Variants in RCC1L observed in about 807,000 individuals in gnomAD.
The protein encoded by RCC1L is RCC1-like G exchanging factor-like protein.
A neutral mutation model predicts 58.6 loss-of-function variants in RCC1L; 46 were observed. The observed-to-expected ratio is 0.79, with a 90% CI of 0.62 to 1.00. The LOEUF (loss-of-function observed/expected upper bound fraction) is 1.00. Among genes scored for constraint, RCC1L ranks in the 50% least tolerant of loss-of-function variants. RCC1L has a pLI of 0.00. For missense variants in RCC1L, 636 were observed against 623.6 expected (o/e 1.02, Z -0.21); for synonymous variants, 281 against 262.9 (o/e 1.07, Z -0.67).
chr7:75,037,947 A>G (rs1466938631), downstream of RCC1L, among the ~76,000 whole-genome samples: 1 of 152,156 alleles, frequency 6.6e-6, no homozygotes, highest in Non-Finnish European at 1.5e-5. Flanking sequence ...CCCATGTTAA[A>G]TATCGGGGCT....
chr7:75,064,636 C>T lies in RCC1L; in HGVS notation c.596G>A (p.Gly199Glu), dbSNP rs1554444848. The stretch of plus-strand genomic sequence containing the variant: ...TCCACATTGCCCATAAGAATTGTTT[C>T]CCATGCTGAAGACTAAAAATAACAC... ...LTDREGVFSM[G>E]NNSYGQCGRK... The change falls in exon 4 of 11, where the codon GGA becomes GAA. Residue 199 changes from glycine (G) to glutamate (E), a missense_variant. Transcript: ENST00000610322. 1.2e-6 allele frequency: 2 copies of T among 1,613,790 alleles called. No homozygotes were observed. Among genetic ancestry groups the T allele is most frequent in the Non-Finnish European group, 1.7e-6 (2 of 1,179,820 alleles).
intron 5 of RCC1L, 146 bp downstream of exon 5, chr7:75,063,146 G>C (rs1199248430): frequency 1.0e-5 from 9 of 899,330 alleles, no homozygotes; most frequent in Non-Finnish European, 1.6e-5. Context: ...ATAAATCCTG[G>C]CCTATAGTAA....
chr7:75,033,923 G>A (rs924720272), intron 10 of RCC1L, among the ~76,000 whole-genome samples: 3 of 152,106 alleles, frequency 2.0e-5, no homozygotes, highest in South Asian at 2.1e-4. Context: ...AGGAAAGGGC[G>A]TCATCTTTGG....
intron 4 of RCC1L, among the ~76,000 whole-genome samples, chr7:75,063,879 C>T (rs1251785995): frequency 5.9e-5 from 9 of 151,606 alleles, no homozygotes; most frequent in Non-Finnish European, 8.8e-5. Context: ...TAGATCTCAC[C>T]ACTGCACTCC....
intron 8 of RCC1L, 124 bp from the exon 9 acceptor site, chr7:75,056,198 T>C: frequency 8.4e-7 from 1 of 1,183,920 alleles, no homozygotes. Context: ...TTTTTTTTGT[T>C]TTGTTTTTTT....
chr7:75,052,510 G>A (rs1330050055), intron 10 of RCC1L, among the ~76,000 whole-genome samples: 1 of 152,226 alleles, frequency 6.6e-6, no homozygotes, highest in African/African-American at 2.4e-5. Context: ...CCATGCAGAT[G>A]CACCACGGGT....
At chr7:75,071,518 C>A (rs998123530) in intron 1 of RCC1L, among the ~76,000 whole-genome samples, 1 of 151,982 alleles carries the variant, frequency 6.6e-6, no homozygotes, top group South Asian at 2.1e-4. Flanking sequence ...TGGTGGCGTG[C>A]GCCTGTAATC....
At chr7:75,063,694 G>A (rs1033694139) in intron 4 of RCC1L, among the ~76,000 whole-genome samples, 13 of 152,166 alleles carry the variant, frequency 8.5e-5, no homozygotes, top group East Asian at 3.9e-4. Context: ...CGAGGTGGGC[G>A]GATCACTTGA....
chr7:75,027,606 ATG>A, exon 11 of RCC1L: 1 of 189,670 alleles, frequency 5.3e-6, no homozygotes, highest in South Asian at 9.2e-5. Context: ...GGAGAAAAGC[ATG>A]TGTGTCGGGG....
intron 9 of RCC1L, 184 bp downstream of exon 9, chr7:75,055,717 A>C (rs1806054941): frequency 1.4e-6 from 1 of 695,552 alleles, no homozygotes; most frequent in African/African-American, 1.8e-5. Context: ...CAGGGGGGGA[A>C]AACAAGACAT....
chr7:75,072,151 TATAC>T (rs1407133504), intron 1 of RCC1L, among the ~76,000 whole-genome samples: 1 of 54,410 alleles, frequency 1.8e-5, no homozygotes, highest in Admixed American at 2.6e-4. Context: ...TACATATACA[TATAC>T]ATATACATAT....
chr7:75,036,581 A>G (rs1202596216), intron 10 of RCC1L, among the ~76,000 whole-genome samples: 13 of 151,916 alleles, frequency 8.6e-5, no homozygotes, highest in Non-Finnish European at 1.8e-4. Context: ...TTTATCAATC[A>G]TCTTCTTCAT....
At chr7:75,029,659 G>A (rs933700589) in intron 10 of RCC1L, among the ~76,000 whole-genome samples, 104 of 152,116 alleles carry the variant, frequency 6.8e-4, no homozygotes, top group African/African-American at 2.3e-3. Flanking sequence ...GATTTTTGAC[G>A]CCACTTCCTG....
Position 75,066,762 on chromosome 7 carries a change from G to GA in RCC1L, c.484dup (p.Ser162PhefsTer30). Reference sequence around the variant, plus strand: ...TCTGTCCAGAGGCAGGGAGACGGGTGAGGGCTCCAACACATACTCGTAGCC... The same window carrying GA: ...TCTGTCCAGAGGCAGGGAGACGGGTGAAGGGCTCCAACACATACTCGTAGCC... On this transcript the variant is annotated frameshift_variant, in exon 3 of 11. Transcript: ENST00000610322. LOFTEE classifies it high-confidence loss of function. The GA allele has an allele frequency of 6.2e-7, 1 of 1,612,944 alleles. No individual in the cohort carries two copies. Among genetic ancestry groups the GA allele is most frequent in the Non-Finnish European group, 8.5e-7 (1 of 1,179,528 alleles).
At chr7:75,039,326 C>A (rs1805494434), downstream of RCC1L, among the ~76,000 whole-genome samples, 1 of 152,258 alleles carries the variant, frequency 6.6e-6, no homozygotes, top group African/African-American at 2.4e-5. Flanking sequence ...CGTGCCCGAG[C>A]CTTCTCTTTA....
chr7:75,066,900 A>C, intron 2 of RCC1L, 108 bp from the exon 3 acceptor site: 1 of 1,385,960 alleles, frequency 7.2e-7, no homozygotes, highest in African/African-American at 1.5e-5. Flanking sequence ...GAGGTAGGAA[A>C]GACTCATCAA....
intron 8 of RCC1L, chr7:75,056,649 A>G: frequency 6.5e-7 from 1 of 1,535,416 alleles, no homozygotes; most frequent in Non-Finnish European, 8.7e-7. Flanking sequence ...GGCCCAGGCT[A>G]AGGGAGGGGA....
At chr7:75,052,943 G>T in intron 9 of RCC1L, 147 bp from the exon 10 acceptor site, 1 of 793,048 alleles carries the variant, frequency 1.3e-6, no homozygotes, top group Non-Finnish European at 2.2e-6. Context: ...TGCTTTCTTT[G>T]AAGGCAAAAG....
At chr7:75,060,524 G>A (rs906599847) in intron 6 of RCC1L, among the ~76,000 whole-genome samples, 6 of 152,190 alleles carry the variant, frequency 3.9e-5, no homozygotes, top group Non-Finnish European at 7.3e-5. Context: ...TCCGCCTCCC[G>A]GGTTCAAGCC....
Sources: allele counts gnomAD v4.1 joint callset (sites outside exome capture counted in the v4.1 genomes callset), GRCh38; gene constraint gnomAD v4.1.1; transcripts MANE v1.5; gene names NCBI Gene and HGNC (gene_info 2026-07-23, HGNC 2026-07-21).